AFF1: variants seen among roughly 807,000 people sequenced by gnomAD.
AFF1 encodes AF4/FMR2 family member 1.
In AFF1, 48 loss-of-function variants were observed where a neutral mutation model predicts 121.7. The ratio of observed to expected loss-of-function variants is 0.39; its 90% CI spans 0.31 to 0.50. The LOEUF (loss-of-function observed/expected upper bound fraction) is 0.50, where lower values mean the gene tolerates loss of function less well. AFF1 is among the 20% of genes least tolerant of loss of function. The pLI is 0.76. For missense variants in AFF1, 1,523 were observed against 1,511.7 expected, an observed-to-expected ratio of 1.01 and a Z score of -0.12; for synonymous variants, 613 against 563.0, an observed-to-expected ratio of 1.09 and a Z score of -1.26.
At chr4:86,949,652 G>A in intron 2 of AFF1, 1 of 1,529,836 alleles carries the variant, frequency 6.5e-7, no homozygotes, top group Non-Finnish European at 8.8e-7. Context: ...CTGAGCCTCA[G>A]CAGGGGTGAG....
chr4:87,121,607 C>G (rs1161456431), intron 12 of AFF1, among the ~76,000 whole-genome samples: 1 of 152,250 alleles, frequency 6.6e-6, no homozygotes, highest in African/African-American at 2.4e-5. Context: ...TTCATGCCCG[C>G]TGGCTTGATC....
intron 2 of AFF1, among the ~76,000 whole-genome samples, chr4:87,012,183 T>G (rs968052144): frequency 6.6e-6 from 1 of 151,844 alleles, no homozygotes; most frequent in Non-Finnish European, 1.5e-5. Flanking sequence ...TATATAAACT[T>G]AGTTTTCTGT....
intron 10 of AFF1, among the ~76,000 whole-genome samples, chr4:87,107,696 T>C (rs183554236): frequency 3.9e-4 from 60 of 152,328 alleles, no homozygotes; most frequent in Non-Finnish European, 7.5e-4. Flanking sequence ...AAGGATCAGA[T>C]AGTAAATATT....
intron 19 of AFF1, among the ~76,000 whole-genome samples, 170 bp downstream of exon 19, chr4:87,132,578 C>T (rs1024282019): frequency 1.3e-5 from 2 of 152,152 alleles, no homozygotes; most frequent in East Asian, 3.9e-4. Context: ...CATATTTCTA[C>T]CTTTTTGAGA....
At chr4:87,015,490 A>G (rs1727203676) in intron 2 of AFF1, among the ~76,000 whole-genome samples, 1 of 152,248 alleles carries the variant, frequency 6.6e-6, no homozygotes, top group East Asian at 1.9e-4. Flanking sequence ...ACTTGGTTTT[A>G]GTAAAATTCA....
chr4:87,103,906 C>T (rs1371500978), intron 8 of AFF1, among the ~76,000 whole-genome samples: 1 of 152,148 alleles, frequency 6.6e-6, no homozygotes, highest in African/African-American at 2.4e-5. Flanking sequence ...TGGTTGGTGA[C>T]TAATGCTGAA....
intron 2 of AFF1, among the ~76,000 whole-genome samples, chr4:86,956,964 A>T (rs1045386621): frequency 2.0e-5 from 3 of 152,148 alleles, no homozygotes; most frequent in African/African-American, 4.8e-5. Flanking sequence ...TTTTAAGCTC[A>T]CAAGCCATTG....
rs956978475 is a variant in AFF1 at position 87,136,117 on chromosome 4, A to AT, written c.*427dup. 1,198 of 212,706 alleles carry AT rather than the reference A, an allele frequency of 5.6e-3. No individual in the cohort carries two copies. Among genetic ancestry groups the AT allele is most frequent in the Middle Eastern group, 0.011 (7 of 660 alleles). 13.2% of individuals were successfully genotyped at this position (212,706 alleles called of 1,614,324 possible). ...CACGCTAGTCCATTCCCAGAAGGAAATTTTTTTTTTTAACAATGACTTTTG... is the reference window on the plus strand; with the variant it reads ...CACGCTAGTCCATTCCCAGAAGGAAATTTTTTTTTTTTAACAATGACTTTTG... On this transcript the variant is annotated 3_prime_UTR_variant, in exon 21 of 21. Coordinates refer to ENST00000395146, the MANE Select transcript of AFF1 (RefSeq NM_001166693.3).
intron 2 of AFF1, among the ~76,000 whole-genome samples, chr4:86,966,874 C>T (rs906214307): frequency 2.0e-5 from 3 of 152,244 alleles, no homozygotes; most frequent in Non-Finnish European, 4.4e-5. Context: ...ATCTCCTACA[C>T]TTTAGAGTTT....
At chr4:86,977,482 ATTG>A (rs1416541956) in intron 2 of AFF1, among the ~76,000 whole-genome samples, 1 of 152,110 alleles carries the variant, frequency 6.6e-6, no homozygotes, top group Non-Finnish European at 1.5e-5. Context: ...GGGCTTCTGT[ATTG>A]TTTTAGAGGG....
intron 1 of AFF1, among the ~76,000 whole-genome samples, chr4:86,941,145 A>G (rs1720424202): frequency 6.6e-6 from 1 of 152,176 alleles, no homozygotes; most frequent in East Asian, 1.9e-4. Context: ...TGCATAGTGA[A>G]CATGCTGCCC....
intron 2 of AFF1, among the ~76,000 whole-genome samples, chr4:87,015,962 C>T (rs1277210280): frequency 6.6e-6 from 1 of 152,228 alleles, no homozygotes; most frequent in Non-Finnish European, 1.5e-5. Context: ...AGGCGGATCA[C>T]CTGAGGTCAG....
At chr4:86,966,528 C>T (rs1242426996) in intron 2 of AFF1, among the ~76,000 whole-genome samples, 1 of 151,942 alleles carries the variant, frequency 6.6e-6, no homozygotes, top group Non-Finnish European at 1.5e-5. Flanking sequence ...AGCACTGTAG[C>T]TCCCCCAAAA....
intron 2 of AFF1, among the ~76,000 whole-genome samples, chr4:86,994,580 G>A (rs1724969735): frequency 6.6e-6 from 1 of 152,162 alleles, no homozygotes. Context: ...TGGCTGCATT[G>A]GTTTTGGCTG....
At chr4:86,969,835 G>C (rs1391481954) in intron 2 of AFF1, among the ~76,000 whole-genome samples, 4 of 127,830 alleles carry the variant, frequency 3.1e-5, no homozygotes, top group African/African-American at 1.2e-4. Flanking sequence ...AGCCGAGATA[G>C]CACCACTGCA....
intron 11 of AFF1, among the ~76,000 whole-genome samples, chr4:87,111,535 G>A (rs1303849713): frequency 4.6e-5 from 7 of 151,644 alleles, no homozygotes; most frequent in Admixed American, 3.9e-4. Context: ...TGTATTTTTA[G>A]TAGAGACGGG....
chr4:87,045,148 G>T (rs1730543175), intron 2 of AFF1, among the ~76,000 whole-genome samples: 1 of 152,090 alleles, frequency 6.6e-6, no homozygotes, highest in African/African-American at 2.4e-5. Flanking sequence ...GTGGGGAAGG[G>T]CGTCTGACAT....
chr4:87,120,036 T>C (rs1181322940), intron 12 of AFF1, among the ~76,000 whole-genome samples: 1 of 152,204 alleles, frequency 6.6e-6, no homozygotes, highest in Non-Finnish European at 1.5e-5. Flanking sequence ...TAAGGCCACT[T>C]ACATCTAAAT....
At chr4:87,134,279 T>C (rs1016372472) in intron 19 of AFF1, among the ~76,000 whole-genome samples, 192 bp from the exon 20 acceptor site, 2 of 152,180 alleles carry the variant, frequency 1.3e-5, no homozygotes, top group Non-Finnish European at 2.9e-5. Context: ...TGGGAAAGCA[T>C]ATTTGGAATA....
Sources: gnomAD v4.1 joint callset for allele counts (sites outside exome capture counted in the v4.1 genomes callset) on GRCh38, gnomAD v4.1.1 for gene constraint, MANE v1.5 for transcripts, NCBI Gene and HGNC (gene_info 2026-07-23, HGNC 2026-07-21) for gene names.